Variants in SEC31B observed in about 807,000 individuals in gnomAD.
The protein encoded by SEC31B is SEC31 homolog B, COPII component, also known as protein transport protein Sec31B.
In SEC31B, 113 loss-of-function variants were observed where a neutral mutation model predicts 135.0. The observed-to-expected ratio is 0.84, with a 90% CI of 0.72 to 0.98. SEC31B has a LOEUF of 0.98. Among genes scored for constraint, SEC31B ranks in the 50% least tolerant of loss-of-function variants. The pLI, the probability that SEC31B is intolerant of heterozygous loss-of-function variation, is 0.00. For missense variants in SEC31B, 1,296 were observed against 1,421.1 expected (o/e 0.91, Z 1.42); for synonymous variants, 508 against 549.4 (o/e 0.92, Z 1.05).
chr10:100,517,054 G>C (rs1851864744), intron 1 of SEC31B, 57 bp from the exon 2 acceptor site: 1 of 838,606 alleles, frequency 1.2e-6, no homozygotes, highest in South Asian at 1.5e-5. Flanking sequence ...CTGCGGACAA[G>C]AGTTCTTGTT....
Position 100,498,133 on chromosome 10 carries a change from C to T in SEC31B, c.1759G>A (p.Glu587Lys), listed in dbSNP as rs142637437. Reference protein sequence around the residue: ...GPAVELCLKEERFADAIILAQ... With the variant: ...GPAVELCLKEKRFADAIILAQ... The stretch of plus-strand genomic sequence containing the variant: ...AGGATAATGGCATCAGCAAAGCGCT[C>T]CTCCTTCAGACACAGCTCCACGGCC... The change falls in exon 15 of 26, where the codon GAG (glutamate) becomes AAG (lysine). Residue 587 changes from glutamate to lysine, a missense_variant. Coordinates refer to ENST00000370345, the MANE Select transcript of SEC31B (RefSeq NM_015490.4). 2 of 1,614,088 alleles carry T rather than the reference C, an allele frequency of 1.2e-6. No homozygotes were observed. Among genetic ancestry groups the T allele is most frequent in the African/African-American group, 2.7e-5 (2 of 74,926 alleles).
At chr10:100,508,638 G>C (rs1170228526) in intron 5 of SEC31B, 1 of 411,124 alleles carries the variant, frequency 2.4e-6, no homozygotes, top group Non-Finnish European at 4.6e-6. Flanking sequence ...ACAATGGTAT[G>C]TCTGGGGTCC....
chr10:100,507,398 G>A (rs1851652015), intron 7 of SEC31B, 27 bp downstream of exon 7: 3 of 1,614,112 alleles, frequency 1.9e-6, no homozygotes, highest in African/African-American at 2.7e-5. Context: ...ATCCCCCCAA[G>A]GATATGGATG....
chr10:100,505,327 AACAC>A (rs749868302), intron 10 of SEC31B, 30 bp downstream of exon 10: 2 of 1,543,162 alleles, frequency 1.3e-6, no homozygotes, highest in African/African-American at 2.9e-5. Context: ...CACACACACA[AACAC>A]ACACACACCT....
intron 3 of SEC31B, among the ~76,000 whole-genome samples, chr10:100,512,211 T>C (rs1226114768): frequency 6.6e-6 from 1 of 152,198 alleles, no homozygotes; most frequent in African/African-American, 2.4e-5. Context: ...ACTTTCTCCA[T>C]GTTACTTGAG....
At chr10:100,499,842 A>G (rs1851483180) in intron 11 of SEC31B, among the ~76,000 whole-genome samples, 1 of 152,170 alleles carries the variant, frequency 6.6e-6, no homozygotes, top group Admixed American at 6.5e-5. Flanking sequence ...TTGACTTCCT[A>G]GCTCTGTTAC....
At chr10:100,498,305 C>G in intron 14 of SEC31B, 98 bp from the exon 15 acceptor site, 1 of 1,151,352 alleles carries the variant, frequency 8.7e-7, no homozygotes, top group Non-Finnish European at 1.2e-6. Context: ...CTCTATATCA[C>G]TCAGTGTGCT....
intron 24 of SEC31B, among the ~76,000 whole-genome samples, chr10:100,488,445 C>T (rs1006686371): frequency 1.3e-4 from 16 of 122,406 alleles, no homozygotes; most frequent in East Asian, 4.5e-4. Context: ...GGCGACAAAG[C>T]GAGACTCCAT....
rs367667674 is a variant in SEC31B, at chr10:100,516,223, G to C, written c.80-4C>G. The C allele has an allele frequency of 1.1e-5, 17 of 1,612,678 alleles. No homozygotes were observed. The African/African-American group carries it at 2.1e-4, about 20-fold the overall frequency. On this transcript the variant is annotated splice_polypyrimidine_tract_variant and splice_region_variant and intron_variant, in intron 2 of 25. Coordinates refer to ENST00000370345, the MANE Select transcript of SEC31B (RefSeq NM_015490.4). ...TCTAGCTGTTGGGCAGATGTTCCTA[G>C]GCACAAGAAAAGGCAGCATATGAGC...
In SEC31B at chr10:100,490,230, G is replaced by C; in HGVS notation, c.2743C>G (p.Leu915Val). The change falls in exon 21 of 26, where the codon CTA becomes GTA. Residue 915 changes from leucine to valine, a missense_variant. By Grantham distance (32) the Leu-to-Val change is conservative. Coordinates refer to ENST00000370345, the MANE Select transcript of SEC31B (RefSeq NM_015490.4). ...PGTWPLPGSPLPMACPGIMRP... is the reference protein window; with the variant it reads ...PGTWPLPGSPVPMACPGIMRP... ...ATGATGCCTGGGCATGCCATGGGTA[G>C]AGGGGAACCAGGAAGAGGCCATGTC... 2 of 1,613,616 alleles carry C rather than the reference G, an allele frequency of 1.2e-6. No individual in the cohort carries two copies. Among genetic ancestry groups the C allele is most frequent in the South Asian group, 2.2e-5 (2 of 91,048 alleles).
intron 3 of SEC31B, among the ~76,000 whole-genome samples, chr10:100,514,703 C>G (rs1051452010): frequency 6.6e-6 from 1 of 152,116 alleles, no homozygotes; most frequent in Non-Finnish European, 1.5e-5. Flanking sequence ...TAACTAATCT[C>G]TTAGAGGGAC....
intron 18 of SEC31B, among the ~76,000 whole-genome samples, chr10:100,495,772 G>A (rs1476870865): frequency 1.3e-5 from 2 of 152,074 alleles, no homozygotes; most frequent in Non-Finnish European, 2.9e-5. Flanking sequence ...ATGAGGAAGG[G>A]GCTTTACTGG....
At chr10:100,505,297 CAA>C in intron 10 of SEC31B, 62 bp downstream of exon 10, 1 of 1,555,186 alleles carries the variant, frequency 6.4e-7, no homozygotes, top group East Asian at 2.4e-5. Context: ...GTAGGCTTCA[CAA>C]ACACACACAC....
chr10:100,501,159 T>C (rs1851516367), intron 11 of SEC31B, among the ~76,000 whole-genome samples: 1 of 151,912 alleles, frequency 6.6e-6, no homozygotes, highest in Non-Finnish European at 1.5e-5. Flanking sequence ...GCAGGAGAAT[T>C]GCTTGAACCC....
intron 14 of SEC31B, 27 bp downstream of exon 14, chr10:100,498,678 T>G: frequency 1.3e-6 from 2 of 1,534,508 alleles, no homozygotes; most frequent in Non-Finnish European, 1.8e-6. Flanking sequence ...AAGCAGAGAC[T>G]CTCCCTCTCC....
intron 20 of SEC31B, 156 bp downstream of exon 20, chr10:100,490,550 G>T: frequency 1.1e-6 from 1 of 895,700 alleles, no homozygotes; most frequent in Non-Finnish European, 1.6e-6. Flanking sequence ...ATTGCCAAAG[G>T]TACGAAGCCA....
Position 100,502,400 on chromosome 10 carries a change from T to C in SEC31B, c.1264A>G (p.Ser422Gly), listed in dbSNP as rs762142569. The C allele has an allele frequency of 6.2e-7, 1 of 1,614,214 alleles. No homozygotes were observed. The highest frequency in any genetic ancestry group is 1.7e-5 in the Admixed American group (1 of 60,026). ...AATTCAGATTCTGTGGTGACTTGAC[T>C]GATGAAGACTAGGCGGGGGCAAGGC... Reference protein sequence around the residue: ...PQPCPRLVFISQVTTESEFLM... With the variant: ...PQPCPRLVFIGQVTTESEFLM... The change falls in exon 11 of 26, where the codon AGT becomes GGT. Residue 422 changes from serine to glycine, a missense_variant. Ser to Gly is a moderately conservative substitution (Grantham distance 56, BLOSUM62 0). Coordinates refer to ENST00000370345, the MANE Select transcript of SEC31B (RefSeq NM_015490.4).
intron 10 of SEC31B, among the ~76,000 whole-genome samples, chr10:100,504,983 C>CG (rs1021058109): frequency 1.3e-5 from 2 of 151,758 alleles, no homozygotes; most frequent in Non-Finnish European, 2.9e-5. Flanking sequence ...GAGGCTCAAA[C>CG]GTTTTGAACA....
intron 10 of SEC31B, 97 bp from the exon 11 acceptor site, chr10:100,502,581 T>G (rs1851544296): frequency 1.4e-6 from 1 of 727,038 alleles, no homozygotes; most frequent in Non-Finnish European, 2.2e-6. Flanking sequence ...TGGCTGACCC[T>G]AGGCTAGGAA....
Sources: gnomAD v4.1 joint callset for allele counts (sites outside exome capture counted in the v4.1 genomes callset) on GRCh38, gnomAD v4.1.1 for gene constraint, MANE v1.5 for transcripts, NCBI Gene and HGNC (gene_info 2026-07-23, HGNC 2026-07-21) for gene names.